MDK: variants seen among roughly 807,000 people sequenced by gnomAD.
MDK encodes amphiregulin-associated protein.
In MDK, 17 loss-of-function variants were observed where a neutral mutation model predicts 18.9. The observed-to-expected ratio is 0.90, with a 90% CI of 0.62 to 1.35. The LOEUF (loss-of-function observed/expected upper bound fraction) is 1.35. MDK is among the 40% of genes most tolerant of loss of function. The pLI, the probability that MDK is intolerant of heterozygous loss-of-function variation, is 0.00. For synonymous variants in MDK, 86 were observed against 74.3 expected (o/e 1.16, Z -0.81); for missense variants, 180 against 186.3 (o/e 0.97, Z 0.20).
Position 46,382,093 on chromosome 11 carries a change from C to G in MDK, c.36C>G (p.Leu12=). 1 of 1,610,840 alleles carries G rather than the reference C, an allele frequency of 6.2e-7. No homozygotes were observed. The highest frequency in any genetic ancestry group is 8.5e-7 in the Non-Finnish European group (1 of 1,179,138). Residue 12 remains leucine, a synonymous_variant, in exon 2 of 5, where the codon CTC becomes CTG. Transcript: ENST00000395566. ...GAGGCTTCCTCCTCCTCACCCTCCT[C>G]GCCCTGCTGGCGCTCACCTCCGCGG... ...QHRGFLLLTL[L]ALLALTSAVA...
At chr11:46,383,211 G>GC (rs1945274657) in intron 4 of MDK, 1 of 456,410 alleles carries the variant, frequency 2.2e-6, no homozygotes, top group East Asian at 4.0e-5. Flanking sequence ...GGCTGAGGAT[G>GC]CCCAGGGCTG....
chr11:46,383,355 C>T (rs1945277666), intron 4 of MDK, 114 bp from the exon 5 acceptor site: 2 of 785,864 alleles, frequency 2.5e-6, no homozygotes, highest in South Asian at 3.5e-5. Flanking sequence ...TTGGAAACCA[C>T]TAGGGGGCAG....
intron 4 of MDK, 46 bp downstream of exon 4, chr11:46,382,794 C>G (rs757502986): frequency 1.0e-5 from 11 of 1,064,520 alleles, no homozygotes; most frequent in East Asian, 6.9e-5. Flanking sequence ...GGGGCTGCCC[C>G]CCCCCCCCCC....
intron 4 of MDK, 146 bp from the exon 5 acceptor site, chr11:46,383,323 C>A (rs1051975922): frequency 1.6e-6 from 1 of 613,190 alleles, no homozygotes; most frequent in Non-Finnish European, 2.9e-6. Flanking sequence ...GCTGCCCCAT[C>A]CCCTGCTTCC....
In MDK at chr11:46,383,722, A is replaced by C. The variant is rs985994306; in HGVS notation, c.*228A>C. 5 of 663,752 alleles carry C rather than the reference A, an allele frequency of 7.5e-6. No homozygotes were observed. The highest frequency in any genetic ancestry group is 1.4e-5 in the Non-Finnish European group (5 of 358,188). 41.1% of individuals were successfully genotyped at this position (663,752 alleles called of 1,614,324 possible). ...CTTGAGCCTCCCCCAAAGCAATGTG[A>C]GTCCCAGAGCCCGCTTTTGTTCTTC... On this transcript the variant is annotated 3_prime_UTR_variant, in exon 5 of 5. Transcript: ENST00000395566.
In MDK at chr11:46,382,576, T is replaced by G; in HGVS notation, c.245-11T>G. On this transcript the variant is annotated splice_polypyrimidine_tract_variant and intron_variant, in intron 3 of 4. Coordinates refer to ENST00000395566, the MANE Select transcript of MDK (RefSeq NM_002391.6). ...GCCGCGCAGCGCTGACCTGGGCCGC[T>G]CTCTCGCCAGCCGACTGCAAGTACA... 1 of 1,603,914 alleles carries G rather than the reference T, an allele frequency of 6.2e-7. No homozygotes were observed. Among genetic ancestry groups the G allele is most frequent in the South Asian group, 1.1e-5 (1 of 90,156 alleles).
At position 46,382,280 on chromosome 11, in the gene MDK, C is replaced by T. The variant is rs1184090244; in HGVS notation, c.77-14C>T. 2 of 1,606,758 alleles carry T rather than the reference C, an allele frequency of 1.2e-6. No homozygotes were observed. Among genetic ancestry groups the T allele is most frequent in the East Asian group, 2.2e-5 (1 of 44,790 alleles). Reference sequence around the variant, plus strand: ...CGTGCCCCAGTCCTGAACTCTGTTCCTCGCGCGTTGTAGATAAGGTGAAGA... The same window carrying T: ...CGTGCCCCAGTCCTGAACTCTGTTCTTCGCGCGTTGTAGATAAGGTGAAGA... On this transcript the variant is annotated splice_polypyrimidine_tract_variant and intron_variant, in intron 2 of 4. Transcript: ENST00000395566.
At position 46,382,415 on chromosome 11, in the gene MDK, G is replaced by A; in HGVS notation, c.198G>A (p.Gln66=). Residue 66 remains glutamine, a synonymous_variant, in exon 3 of 5, where the codon CAG becomes CAA. Transcript: ENST00000395566. ...FREGTCGAQT[Q]RIRCRVPCNW... Reference sequence around the variant, plus strand: ...AGGGCACCTGCGGGGCCCAGACCCAGCGCATCCGGTGCAGGGTGCCCTGCA... The same window carrying A: ...AGGGCACCTGCGGGGCCCAGACCCAACGCATCCGGTGCAGGGTGCCCTGCA... The A allele has an allele frequency of 6.5e-7, 1 of 1,541,146 alleles. No homozygotes were observed. Among genetic ancestry groups the A allele is most frequent in the Non-Finnish European group, 8.7e-7 (1 of 1,145,092 alleles).
chr11:46,381,933 C>G (rs1195152368), intron 1 of MDK, 124 bp from the exon 2 acceptor site: 3 of 1,031,570 alleles, frequency 2.9e-6, no homozygotes, highest in Non-Finnish European at 4.2e-6. Flanking sequence ...TTCCCACCGC[C>G]GCCACCTTAG....
chr11:46,381,954 T>A lies in MDK; in HGVS notation c.-1-103T>A, dbSNP rs1469263665. Reference sequence around the variant, plus strand: ...CCGCCGCCACCTTAGCAGCCCGACTTGGGGCCTGGAAAGTGGAGCACGCGG... The same window carrying A: ...CCGCCGCCACCTTAGCAGCCCGACTAGGGGCCTGGAAAGTGGAGCACGCGG... On this transcript the variant is annotated intron_variant, in intron 1 of 4. Transcript: ENST00000395566. 2.4e-6 allele frequency: 3 copies of A among 1,262,990 alleles called. No homozygotes were observed. The African/African-American group carries it at 4.5e-5, about 19-fold the overall frequency. The allele number at this position is 1,262,990 out of a possible 1,614,324, so 78.2% of individuals were successfully genotyped here. A position where few individuals can be genotyped will look rare whatever the true frequency, so the allele number is the denominator to read the frequency against.
chr11:46,383,106 G>A (rs1945272315), intron 4 of MDK: 3 of 428,252 alleles, frequency 7.0e-6, no homozygotes, highest in East Asian at 4.6e-5. Context: ...GTTGGGAGGA[G>A]GTCAAGGCCC....
chr11:46,382,138 TGGG>T lies in MDK; in HGVS notation c.76+8_76+10del. Reference sequence around the variant, plus strand: ...CCGCGGTCGCCAAAAAGAAAGGTGATGGGGGATGATCGAAGGAGGGCTGGGGAC... The same window carrying T: ...CCGCGGTCGCCAAAAAGAAAGGTGATGGATGATCGAAGGAGGGCTGGGGAC... On this transcript the variant is annotated splice_donor_region_variant and intron_variant, in intron 2 of 4. Transcript: ENST00000395566. 6.2e-7 allele frequency: 1 copy of T among 1,610,686 alleles called. No individual in the cohort carries two copies. Among genetic ancestry groups the T allele is most frequent in the South Asian group, 1.1e-5 (1 of 90,696 alleles).
intron 4 of MDK, chr11:46,383,248 T>C: frequency 2.0e-6 from 1 of 510,354 alleles, no homozygotes. Flanking sequence ...GACTGGAAAC[T>C]TGAAGGTTTT....
In MDK at chr11:46,382,416, C is replaced by A. The variant is rs769031420; in HGVS notation, c.199C>A (p.Arg67Ser). Residue 67 changes from arginine to serine, a missense_variant, in exon 3 of 5, where the codon CGC becomes AGC. Transcript: ENST00000395566. Reference sequence around the variant, plus strand: ...GGGCACCTGCGGGGCCCAGACCCAGCGCATCCGGTGCAGGGTGCCCTGCAA... The same window carrying A: ...GGGCACCTGCGGGGCCCAGACCCAGAGCATCCGGTGCAGGGTGCCCTGCAA... ...REGTCGAQTQ[R>S]IRCRVPCNWK... is the part of the protein sequence containing the mutation. 5 of 1,539,748 alleles carry A rather than the reference C, an allele frequency of 3.2e-6. No homozygotes were observed. The highest frequency in any genetic ancestry group is 2.5e-5 in the South Asian group (2 of 80,184).
At chr11:46,383,307 A>G in intron 4 of MDK, 162 bp from the exon 5 acceptor site, 2 of 592,740 alleles carry the variant, frequency 3.4e-6, no homozygotes, top group Non-Finnish European at 6.1e-6. Context: ...TGTCCACATC[A>G]CAATGGCTGC....
chr11:46,382,342 G>C lies in MDK; in HGVS notation c.125G>C (p.Trp42Ser). 1 of 1,603,684 alleles carries C rather than the reference G, an allele frequency of 6.2e-7. No individual in the cohort carries two copies. ...GGGAGCGAGTGCGCTGAGTGGGCCTGGGGGCCCTGCACCCCCAGCAGCAAG... is the reference window on the plus strand; with the variant it reads ...GGGAGCGAGTGCGCTGAGTGGGCCTCGGGGCCCTGCACCCCCAGCAGCAAG... ...GPGSECAEWAWGPCTPSSKDC... is the reference protein window; with the variant it reads ...GPGSECAEWASGPCTPSSKDC... The change falls in exon 3 of 5, where the codon TGG (tryptophan) becomes TCG (serine). Residue 42 changes from tryptophan (W) to serine (S), a missense_variant. Coordinates refer to ENST00000395566, the MANE Select transcript of MDK (RefSeq NM_002391.6).
Position 46,383,610 on chromosome 11 carries a change from A to C in MDK, c.*116A>C. The C allele has an allele frequency of 3.2e-6, 3 of 933,776 alleles. No individual in the cohort carries two copies. The highest frequency in any genetic ancestry group is 1.6e-5 in the African/African-American group (1 of 62,122). 57.8% of individuals were successfully genotyped at this position (933,776 alleles called of 1,614,324 possible). ...TGCCTTCTGTCTGCTCGTTAGCTTTAATCAATCATGCCCTGCCTTGTCCCT... is the reference window on the plus strand; with the variant it reads ...TGCCTTCTGTCTGCTCGTTAGCTTTCATCAATCATGCCCTGCCTTGTCCCT... On this transcript the variant is annotated 3_prime_UTR_variant, in exon 5 of 5. Transcript: ENST00000395566.
chr11:46,382,568 T>G lies in MDK; in HGVS notation c.245-19T>G. The G allele has an allele frequency of 6.3e-7, 1 of 1,599,576 alleles. No individual in the cohort carries two copies. On this transcript the variant is annotated intron_variant, in intron 3 of 4. Transcript: ENST00000395566. Reference sequence around the variant, plus strand: ...GGCCGCGGGCCGCGCAGCGCTGACCTGGGCCGCTCTCTCGCCAGCCGACTG... The same window carrying G: ...GGCCGCGGGCCGCGCAGCGCTGACCGGGGCCGCTCTCTCGCCAGCCGACTG...
In MDK at chr11:46,382,686, A is replaced by G. The variant is rs1945248008; in HGVS notation, c.344A>G (p.Gln115Arg). 1 of 1,612,280 alleles carries G rather than the reference A, an allele frequency of 6.2e-7. No individual in the cohort carries two copies. Among genetic ancestry groups the G allele is most frequent in the African/African-American group, 1.3e-5 (1 of 74,528 alleles). The change falls in exon 4 of 5, where the codon CAG becomes CGG. Residue 115 changes from glutamine (Q) to arginine (R), a missense_variant. By Grantham distance (43) the Gln-to-Arg change is conservative. Coordinates refer to ENST00000395566, the MANE Select transcript of MDK (RefSeq NM_002391.6). ...GTLKKARYNA[Q>R]CQETIRVTKP... ...CTGAAGAAGGCGCGCTACAATGCTC[A>G]GTGCCAGGAGACCATCCGCGTCACC...
Sources: allele counts gnomAD v4.1 joint callset, GRCh38; gene constraint gnomAD v4.1.1; transcripts MANE v1.5; gene names NCBI Gene and HGNC (gene_info 2026-07-23, HGNC 2026-07-21).